Variants in TNR observed in about 807,000 individuals in gnomAD.
TNR encodes tenascin-R.
A neutral mutation model predicts 150.4 loss-of-function variants in TNR; 45 were observed. That is an observed-to-expected ratio of 0.30 (90% CI 0.24 to 0.38). The LOEUF (loss-of-function observed/expected upper bound fraction) is 0.38. TNR is among the 10% of genes least tolerant of loss of function. The probability of loss-of-function intolerance (pLI) is 1.00; values close to 1 mark genes in which losing one functional copy is unlikely to be tolerated. For missense variants in TNR, 1,544 were observed against 1,759.1 expected (o/e 0.88, Z 2.19); for synonymous variants, 687 against 678.4 (o/e 1.01, Z -0.20).
intron 1 of TNR, among the ~76,000 whole-genome samples, chr1:175,564,721 C>A (rs1661571393): frequency 1.3e-5 from 2 of 152,086 alleles, no homozygotes; most frequent in Admixed American, 6.5e-5. Flanking sequence ...CCTGAACACA[C>A]CTACACACTG....
chr1:175,653,342 T>A (rs1213730527), intron 1 of TNR, among the ~76,000 whole-genome samples: 1 of 152,202 alleles, frequency 6.6e-6, no homozygotes, highest in African/African-American at 2.4e-5. Context: ...AGGAGCGACA[T>A]GGGCAGTTCT....
intron 2 of TNR, among the ~76,000 whole-genome samples, chr1:175,439,552 G>T (rs1017872274): frequency 2.6e-5 from 4 of 152,120 alleles, no homozygotes; most frequent in African/African-American, 9.7e-5. Context: ...AAGAGCTTCT[G>T]CACAGCAAAA....
Position 175,365,241 on chromosome 1 carries a change from T to C in TNR, c.2356A>G (p.Thr786Ala), listed in dbSNP as rs903617391. Residue 786 changes from threonine (T) to alanine (A), a missense_variant, in exon 12 of 23, where the codon ACC becomes GCC. Physicochemically the swap from Thr to Ala is moderately conservative, Grantham distance 58. Coordinates refer to ENST00000367674, the MANE Select transcript of TNR (RefSeq NM_003285.3). The stretch of plus-strand genomic sequence containing the variant: ...CAAGTGATGTTCACACTGGAGGAGG[T>C]CACATGAGAAAAGTGCAGATGAGAG... ...PISHLHFSHV[T>A]SSSVNITWSD... is the part of the protein sequence containing the mutation. The C allele has an allele frequency of 6.2e-7, 1 of 1,613,128 alleles. No individual in the cohort carries two copies. Among genetic ancestry groups the C allele is most frequent in the Admixed American group, 1.7e-5 (1 of 59,958 alleles).
rs1649814292 is a variant in TNR at position 175,331,071 on chromosome 1, T to TTCTG, written c.3632-837_3632-836insCAGA. Reference sequence around the variant, plus strand: ...TTTCTTTCTTTCTTTCTTTCTTTCTTTCTTTCCTTCTTTCTTTCTTTCTTT... The same window carrying TTCTG: ...TTTCTTTCTTTCTTTCTTTCTTTCTTTCTGTCTTTCCTTCTTTCTTTCTTTCTTT... On this transcript the variant is annotated intron_variant, in intron 20 of 22. Coordinates refer to ENST00000367674, the MANE Select transcript of TNR (RefSeq NM_003285.3). Among the ~76,000 whole-genome samples, 2 of 124,056 alleles carry TTCTG rather than the reference T, an allele frequency of 1.6e-5. 1 individual carries two copies. Among genetic ancestry groups the TTCTG allele is most frequent in the African/African-American group, 6.6e-5 (2 of 30,358 alleles). The allele number at this position is 124,056 out of a possible 152,430, so 81.4% of individuals were successfully genotyped here.
At chr1:175,427,787 T>TCTTC (rs200286551) in intron 2 of TNR, among the ~76,000 whole-genome samples, 1,680 of 132,140 alleles carry the variant, frequency 0.013, 42 homozygotes, top group African/African-American at 0.044. Context: ...TCTTTCCCTT[T>TCTTC]CTTCCTTCCT....
chr1:175,617,544 T>C (rs552317575), intron 1 of TNR, among the ~76,000 whole-genome samples: 8 of 152,176 alleles, frequency 5.3e-5, no homozygotes, highest in Non-Finnish European at 8.8e-5. Flanking sequence ...CCTAAAGCCT[T>C]CTATTCATAG....
At chr1:175,444,961 G>A (rs772157255) in intron 2 of TNR, among the ~76,000 whole-genome samples, 1 of 152,188 alleles carries the variant, frequency 6.6e-6, no homozygotes, top group Non-Finnish European at 1.5e-5. Flanking sequence ...GCATGGCAGA[G>A]TTAGTAAGGC....
Position 175,403,205 on chromosome 1 carries a change from C to T in TNR, c.911G>A (p.Arg304Gln), listed in dbSNP as rs1400966389. ...GCAGAGCCCCTCCTCACATTGTCCT[C>T]GCCCACTGCAGGCATTCAGACACTG... The part of the protein sequence containing the change: ...QRQCLNACSG[R>Q]GQCEEGLCVC... The change falls in exon 4 of 23, where the codon CGA (arginine) becomes CAA (glutamine). Residue 304 changes from arginine (R) to glutamine (Q), a missense_variant. Transcript: ENST00000367674. 1.4e-5 allele frequency: 23 copies of T among 1,613,996 alleles called. No individual in the cohort carries two copies. The highest frequency in any genetic ancestry group is 1.7e-5 in the Admixed American group (1 of 60,002).
chr1:175,684,014 G>C lies in TNR; in HGVS notation c.-165+59212C>G, dbSNP rs146420554. Among the ~76,000 whole-genome samples, 947 of 152,300 alleles carry C rather than the reference G, an allele frequency of 6.2e-3. 5 individuals are homozygous for C. The highest frequency in any genetic ancestry group is 0.011 in the Non-Finnish European group (752 of 68,034). ...AGCTGGGAGACTCCAGCCAAAGTGG[G>C]ATTCAGGAACCCAGAGGTGCAGACT... On this transcript the variant is annotated intron_variant, in intron 1 of 22. Transcript: ENST00000367674.
chr1:175,353,489 C>G (rs1344964773), intron 18 of TNR, among the ~76,000 whole-genome samples: 2 of 152,198 alleles, frequency 1.3e-5, no homozygotes, highest in Non-Finnish European at 2.9e-5. Flanking sequence ...GGAGGGAAGG[C>G]AGCCGGAACA....
At chr1:175,650,136 C>T (rs890178124) in intron 1 of TNR, among the ~76,000 whole-genome samples, 12 of 152,140 alleles carry the variant, frequency 7.9e-5, no homozygotes, top group Non-Finnish European at 4.4e-5. Flanking sequence ...TATTGGGAGG[C>T]TGAGGCAGGT....
intron 2 of TNR, among the ~76,000 whole-genome samples, chr1:175,447,012 T>C (rs1397251239): frequency 6.6e-6 from 1 of 152,204 alleles, no homozygotes. Flanking sequence ...TGTTTACATA[T>C]ATGTGTGGTA....
chr1:175,521,172 C>T (rs182903415), intron 2 of TNR, among the ~76,000 whole-genome samples: 381 of 152,274 alleles, frequency 2.5e-3, no homozygotes, highest in Middle Eastern at 0.01. Flanking sequence ...TGGCGATATC[C>T]TGCTCTCCAT....
At chr1:175,740,132 A>G (rs899599752) in intron 1 of TNR, among the ~76,000 whole-genome samples, 13 of 152,222 alleles carry the variant, frequency 8.5e-5, no homozygotes, top group Admixed American at 3.9e-4. Flanking sequence ...CCCAGTAACA[A>G]TAGCCTCAGA....
intron 1 of TNR, among the ~76,000 whole-genome samples, chr1:175,646,963 G>A (rs1341341515): frequency 6.6e-6 from 1 of 152,212 alleles, no homozygotes; most frequent in African/African-American, 2.4e-5. Flanking sequence ...GGCTGAGCCA[G>A]GAGCTGACCC....
At chr1:175,521,778 G>C (rs1328573069) in intron 2 of TNR, among the ~76,000 whole-genome samples, 1 of 151,886 alleles carries the variant, frequency 6.6e-6, no homozygotes, top group Non-Finnish European at 1.5e-5. Flanking sequence ...GGTTTTCTCT[G>C]GTCTCCTCCT....
intron 2 of TNR, among the ~76,000 whole-genome samples, chr1:175,415,145 C>CTTTTTTTTTT (rs35109798): frequency 7.3e-6 from 1 of 137,110 alleles, no homozygotes; most frequent in Non-Finnish European, 1.6e-5. Flanking sequence ...TTTTTTTGTG[C>CTTTTTTTTTT]TTTTTTTTTT....
At chr1:175,720,301 G>C (rs1183912788) in intron 1 of TNR, among the ~76,000 whole-genome samples, 1 of 152,144 alleles carries the variant, frequency 6.6e-6, no homozygotes, top group African/African-American at 2.4e-5. Context: ...ACACTGACAA[G>C]TTGATCATCT....
intron 1 of TNR, among the ~76,000 whole-genome samples, chr1:175,535,958 A>T (rs1026914911): frequency 3.3e-5 from 5 of 152,170 alleles, no homozygotes; most frequent in Admixed American, 3.3e-4. Context: ...TTTTTCACCA[A>T]TAGAAATCAC....
Sources: gnomAD v4.1 joint callset for allele counts (sites outside exome capture counted in the v4.1 genomes callset) on GRCh38, gnomAD v4.1.1 for gene constraint, MANE v1.5 for transcripts, NCBI Gene and HGNC (gene_info 2026-07-23, HGNC 2026-07-21) for gene names.